Variants in FRMPD2 observed in about 807,000 individuals in gnomAD.
The protein encoded by FRMPD2 is FERM and PDZ domain-containing protein 2.
FRMPD2 carries 96 observed loss-of-function variants against 140.1 expected under a neutral mutation model. That is an observed-to-expected ratio of 0.69 (90% CI 0.58 to 0.81). The LOEUF (loss-of-function observed/expected upper bound fraction) is 0.81, where lower values mean the gene tolerates loss of function less well. FRMPD2 is among the 40% of genes least tolerant of loss of function. The pLI is 0.00. For missense variants in FRMPD2, 1,240 were observed against 1,447.4 expected (o/e 0.86, Z 2.32); for synonymous variants, 449 against 547.6 (o/e 0.82, Z 2.52).
chr10:48,207,121 CTGA>C (rs1839219127), intron 13 of FRMPD2, among the ~76,000 whole-genome samples, 188 bp from the exon 14 acceptor site: 2 of 149,608 alleles, frequency 1.3e-5, no homozygotes, highest in Non-Finnish European at 2.9e-5. Flanking sequence ...CTCTGCACCT[CTGA>C]TATGATAGAA....
intron 7 of FRMPD2, among the ~76,000 whole-genome samples, chr10:48,238,980 CCT>C (rs1257257749): frequency 3.3e-5 from 5 of 152,170 alleles, no homozygotes; most frequent in East Asian, 1.9e-4. Flanking sequence ...CGTCCTCTCT[CCT>C]CTCTCTCCTC....
chr10:48,238,406 C>A (rs1840021230), intron 7 of FRMPD2, among the ~76,000 whole-genome samples: 1 of 152,170 alleles, frequency 6.6e-6, no homozygotes, highest in South Asian at 2.1e-4. Flanking sequence ...GTGCCAGGAC[C>A]CCAGGTCTAG....
chr10:48,248,136 A>G (rs1840293691), intron 3 of FRMPD2, among the ~76,000 whole-genome samples: 1 of 152,196 alleles, frequency 6.6e-6, no homozygotes, highest in Non-Finnish European at 1.5e-5. Flanking sequence ...GCATTTTCAC[A>G]TCTGCACTTT....
intron 28 of FRMPD2, among the ~76,000 whole-genome samples, chr10:48,158,312 C>T (rs1203655916): frequency 6.8e-5 from 10 of 148,078 alleles, no homozygotes; most frequent in East Asian, 6.1e-4. Context: ...TCCTTTTGCA[C>T]GTGCCATCAG....
intron 10 of FRMPD2, among the ~76,000 whole-genome samples, chr10:48,227,214 C>G (rs764571024): frequency 1.4e-4 from 21 of 152,188 alleles, no homozygotes; most frequent in Admixed American, 6.5e-5. Context: ...TAGGTTCTAA[C>G]AGAAATCGCT....
At position 48,188,461 on chromosome 10, in the gene FRMPD2, G is replaced by A. The variant is rs1019853475; in HGVS notation, c.2166-1169C>T. Reference sequence around the variant, plus strand: ...CATGTTTGTGCTTGCCTTGCAGCACGATCGACCCACAGTGACTGAGAACCC... The same window carrying A: ...CATGTTTGTGCTTGCCTTGCAGCACAATCGACCCACAGTGACTGAGAACCC... On this transcript the variant is annotated intron_variant, in intron 16 of 28. Transcript: ENST00000374201. 2.6e-5 allele frequency among the ~76,000 whole-genome samples: 4 copies of A among 152,200 alleles called. No homozygotes were observed. The East Asian group carries it at 5.8e-4, about 22-fold the overall frequency.
chr10:48,268,731 C>G (rs1769690949), intron 1 of FRMPD2, among the ~76,000 whole-genome samples: 1 of 152,094 alleles, frequency 6.6e-6, no homozygotes, highest in Non-Finnish European at 1.5e-5. Context: ...TGGGGGAGAT[C>G]TTTGTGGCGA....
chr10:48,266,321 G>C (rs556384106), intron 1 of FRMPD2, among the ~76,000 whole-genome samples: 1 of 152,202 alleles, frequency 6.6e-6, no homozygotes, highest in South Asian at 2.1e-4. Flanking sequence ...CTGGTGACAC[G>C]AGATTTCCCA....
chr10:48,210,402 G>T (rs547202261), intron 13 of FRMPD2, among the ~76,000 whole-genome samples: 1 of 152,352 alleles, frequency 6.6e-6, no homozygotes, highest in African/African-American at 2.4e-5. Context: ...CAGCCTGGTA[G>T]TTTCTTTTAC....
At chr10:48,272,573 T>C (rs1001149304) in intron 1 of FRMPD2, among the ~76,000 whole-genome samples, 1 of 152,240 alleles carries the variant, frequency 6.6e-6, no homozygotes, top group Non-Finnish European at 1.5e-5. Flanking sequence ...TGTTCAGCGA[T>C]ATCACATTGG....
intron 1 of FRMPD2, among the ~76,000 whole-genome samples, chr10:48,264,220 G>C (rs1291716704): frequency 6.6e-6 from 1 of 151,746 alleles, no homozygotes; most frequent in African/African-American, 2.4e-5. Flanking sequence ...ATGTATTCCT[G>C]CTAAGATCAG....
At chr10:48,273,405 TTTC>T (rs1393770029) in intron 1 of FRMPD2, among the ~76,000 whole-genome samples, 1 of 152,226 alleles carries the variant, frequency 6.6e-6, no homozygotes, top group African/African-American at 2.4e-5. Flanking sequence ...TGCAGCCTCC[TTTC>T]TTATCAGATT....
chr10:48,214,943 G>A (rs891079428), intron 12 of FRMPD2, among the ~76,000 whole-genome samples: 1 of 152,230 alleles, frequency 6.6e-6, no homozygotes, highest in Non-Finnish European at 1.5e-5. Context: ...ATTGAATGTG[G>A]TGAAGTTCAC....
At chr10:48,244,599 T>C (rs930947126) in intron 4 of FRMPD2, among the ~76,000 whole-genome samples, 185 bp downstream of exon 4, 1 of 152,240 alleles carries the variant, frequency 6.6e-6, no homozygotes, top group Admixed American at 6.5e-5. Flanking sequence ...TGAGTGGGAT[T>C]CTGAGGTTGT....
intron 12 of FRMPD2, among the ~76,000 whole-genome samples, chr10:48,212,767 T>C (rs929436183): frequency 2.0e-5 from 3 of 152,078 alleles, no homozygotes; most frequent in Non-Finnish European, 4.4e-5. Context: ...AGACTGAGGC[T>C]GCATCCCCCC....
chr10:48,170,902 A>G, intron 26 of FRMPD2, 92 bp downstream of exon 26: 2 of 955,196 alleles, frequency 2.1e-6, no homozygotes, highest in South Asian at 1.3e-5. Flanking sequence ...GATTTTTGAG[A>G]GCCCAGAGTT....
intron 1 of FRMPD2, among the ~76,000 whole-genome samples, chr10:48,267,528 T>C (rs572249476): frequency 1.3e-5 from 2 of 152,096 alleles, no homozygotes; most frequent in African/African-American, 4.8e-5. Flanking sequence ...GAAAAGACAA[T>C]CCACGGAATG....
intron 15 of FRMPD2, chr10:48,199,813 CT>C (rs1197289393): frequency 2.0e-5 from 3 of 152,176 alleles, no homozygotes; most frequent in South Asian, 2.1e-4. Flanking sequence ...TCCAACCCGT[CT>C]TGCAGTTGTC....
Position 48,171,588 on chromosome 10 carries a change from GA to G in FRMPD2, c.3224-381del, listed in dbSNP as rs1364461424. Among the ~76,000 whole-genome samples, 71 of 152,388 alleles carry G rather than the reference GA, an allele frequency of 4.7e-4. No individual in the cohort carries two copies. In the East Asian group the frequency reaches 7.9e-3, roughly 17 times the overall value. The stretch of plus-strand genomic sequence containing the variant: ...TACCACTTCAACATGTCATCAATAT[GA>G]AAAAATTATTAACGAGATATTTTTT... On this transcript the variant is annotated intron_variant, in intron 25 of 28. Transcript: ENST00000374201.
Sources: gnomAD v4.1 joint callset for allele counts (sites outside exome capture counted in the v4.1 genomes callset) on GRCh38, gnomAD v4.1.1 for gene constraint, MANE v1.5 for transcripts, NCBI Gene and HGNC (gene_info 2026-07-23, HGNC 2026-07-21) for gene names.